Variants in ACTN4 observed in about 807,000 individuals in gnomAD.
The protein encoded by ACTN4 is alpha-actinin-4.
ACTN4 carries 18 observed loss-of-function variants against 114.2 expected under a neutral mutation model. That is an observed-to-expected ratio of 0.16 (90% CI 0.11 to 0.23). The LOEUF is 0.23. Among genes scored for constraint, ACTN4 ranks in the 10% least tolerant of loss-of-function variants. ACTN4 has a pLI of 1.00. For missense variants in ACTN4, 722 were observed against 1,262.9 expected, an observed-to-expected ratio of 0.57 and a Z score of 6.49; for synonymous variants, 515 against 506.3, an observed-to-expected ratio of 1.02 and a Z score of -0.23.
intron 1 of ACTN4, among the ~76,000 whole-genome samples, chr19:38,665,534 A>T (rs539931167): frequency 6.6e-6 from 1 of 152,222 alleles, no homozygotes; most frequent in African/African-American, 2.4e-5. Context: ...TCAGTGGGAA[A>T]CCAAAACATA....
At chr19:38,683,115 T>C (rs1967629122) in intron 1 of ACTN4, among the ~76,000 whole-genome samples, 1 of 152,182 alleles carries the variant, frequency 6.6e-6, no homozygotes, top group African/African-American at 2.4e-5. Flanking sequence ...TGGGAGAGGC[T>C]CAGAGCAGTG....
chr19:38,712,828 C>T (rs1299343572), intron 8 of ACTN4, among the ~76,000 whole-genome samples: 1 of 152,182 alleles, frequency 6.6e-6, no homozygotes, highest in Admixed American at 6.5e-5. Flanking sequence ...ACACTGCTCC[C>T]CTGTGCTTAG....
intron 1 of ACTN4, among the ~76,000 whole-genome samples, chr19:38,653,211 G>A (rs753093291): frequency 1.3e-5 from 2 of 152,134 alleles, no homozygotes; most frequent in South Asian, 2.1e-4. Flanking sequence ...GCCAGACAGC[G>A]CCCTTTTTCA....
intron 8 of ACTN4, chr19:38,710,819 A>G: frequency 3.6e-6 from 1 of 278,524 alleles, no homozygotes; most frequent in Non-Finnish European, 7.1e-6. Context: ...AGGCCCTGAG[A>G]CAGGAAGAAG....
Position 38,654,261 on chromosome 19 carries a change from C to T in ACTN4, c.162+6354C>T, listed in dbSNP as rs148371975. Among the ~76,000 whole-genome samples, 853 of 152,248 alleles carry T rather than the reference C, an allele frequency of 5.6e-3. 5 individuals are homozygous for T. Among genetic ancestry groups the T allele is most frequent in the African/African-American group, 0.02 (820 of 41,544 alleles). On this transcript the variant is annotated intron_variant, in intron 1 of 20. Coordinates refer to ENST00000252699, the MANE Select transcript of ACTN4 (RefSeq NM_004924.6). ...CACCTGACCCAGGGAAGGATCCCGC[C>T]TCCTCCAGAAAGTGAAATCGCCGGG...
chr19:38,688,406 A>AAAC (rs1967814925), intron 1 of ACTN4, among the ~76,000 whole-genome samples: 2 of 150,940 alleles, frequency 1.3e-5, no homozygotes, highest in Non-Finnish European at 3.0e-5. Flanking sequence ...AAAAAAAAAA[A>AAAC]AAAAACCCAC....
At chr19:38,705,105 G>A in intron 4 of ACTN4, 85 bp downstream of exon 4, 1 of 1,280,528 alleles carries the variant, frequency 7.8e-7, no homozygotes, top group Non-Finnish European at 1.1e-6. Context: ...CATGCTTCAA[G>A]CCTCTTCCTG....
chr19:38,660,459 G>A (rs1017770230), intron 1 of ACTN4, among the ~76,000 whole-genome samples: 2 of 151,456 alleles, frequency 1.3e-5, no homozygotes, highest in Non-Finnish European at 2.9e-5. Context: ...GCAATGGCGT[G>A]TTCTTGGCTC....
chr19:38,723,482 G>C (rs1969115634), intron 12 of ACTN4, 132 bp from the exon 13 acceptor site: 1 of 734,888 alleles, frequency 1.4e-6, no homozygotes. Flanking sequence ...TGACCAATTA[G>C]TGATTGGTTG....
chr19:38,667,724 A>G (rs1967007351), intron 1 of ACTN4, among the ~76,000 whole-genome samples: 1 of 145,784 alleles, frequency 6.9e-6, no homozygotes, highest in Non-Finnish European at 1.5e-5. Context: ...AAAAAAAACC[A>G]TTTTGGAGAA....
chr19:38,697,509 A>G (rs4802744), intron 1 of ACTN4, among the ~76,000 whole-genome samples: 32,340 of 152,310 alleles, frequency 0.21, 3,636 homozygotes, highest in Middle Eastern at 0.4. Context: ...ACAGGGAAGG[A>G]AACAGACTTA....
chr19:38,705,264 C>T (rs1968419154), intron 4 of ACTN4, among the ~76,000 whole-genome samples: 1 of 152,210 alleles, frequency 6.6e-6, no homozygotes, highest in Non-Finnish European at 1.5e-5. Flanking sequence ...TGGACCCTCA[C>T]GCCACCCTCA....
At position 38,684,161 on chromosome 19, in the gene ACTN4, G is replaced by A. The variant is rs75483338; in HGVS notation, c.163-16439G>A. ...AGCCTTATCTGTAAAATTAGAGCAC[G>A]CAGAACAAACCCTGGTACACACTAA... On this transcript the variant is annotated intron_variant, in intron 1 of 20. Coordinates refer to ENST00000252699, the MANE Select transcript of ACTN4 (RefSeq NM_004924.6). Among the ~76,000 whole-genome samples, 183 of 152,292 alleles carry A rather than the reference G, an allele frequency of 1.2e-3. 2 individuals carry two copies. In the East Asian group the frequency reaches 0.021, roughly 18 times the overall value.
At chr19:38,719,369 G>A (rs978385567) in intron 11 of ACTN4, among the ~76,000 whole-genome samples, 1 of 152,188 alleles carries the variant, frequency 6.6e-6, no homozygotes, top group African/African-American at 2.4e-5. Flanking sequence ...GCCCGCATGC[G>A]AGTGTGCAGC....
intron 1 of ACTN4, among the ~76,000 whole-genome samples, chr19:38,685,716 C>T (rs2144938215): frequency 6.6e-6 from 1 of 152,230 alleles, no homozygotes; most frequent in East Asian, 1.9e-4. Context: ...CACAGATTTC[C>T]AGACCAAGCC....
Position 38,724,128 on chromosome 19 carries a change from C to T in ACTN4, c.1693-29C>T. 1.2e-6 allele frequency: 2 copies of T among 1,613,600 alleles called. No individual in the cohort carries two copies. Among genetic ancestry groups the T allele is most frequent in the Non-Finnish European group, 1.7e-6 (2 of 1,179,962 alleles). ...TCCCAAGAGCCTCTGTGGGGCTGGG[C>T]CGCCCCCTCACTCCAGCTCCTCCCC... is the stretch of plus-strand genomic sequence containing the variant. On this transcript the variant is annotated intron_variant, in intron 14 of 20. Coordinates refer to ENST00000252699, the MANE Select transcript of ACTN4 (RefSeq NM_004924.6). This position sits in a 1 kb window ranked among gnomAD's most constrained non-coding sequence, Gnocchi z 7.0.
At chr19:38,650,271 T>A (rs1333861147) in intron 1 of ACTN4, among the ~76,000 whole-genome samples, 1 of 152,076 alleles carries the variant, frequency 6.6e-6, no homozygotes, top group Non-Finnish European at 1.5e-5. Context: ...GCGAGCCGGG[T>A]TTCACTCCCT....
chr19:38,673,636 T>TTTATATATATTTATATATTTATATATA lies in ACTN4; in HGVS notation c.162+25783_162+25809dup, dbSNP rs1568690265. On this transcript the variant is annotated intron_variant, in intron 1 of 20. Coordinates refer to ENST00000252699, the MANE Select transcript of ACTN4 (RefSeq NM_004924.6). ...TTATATTTATATATATTCATATATA[T>TTTATATATATTTATATATTTATATATA]TTATATATATTTATATATTTATATA... Among the ~76,000 whole-genome samples, 157 of 52,200 alleles carry TTTATATATATTTATATATTTATATATA rather than the reference T, an allele frequency of 3.0e-3. 5 individuals carry two copies. The highest frequency in any genetic ancestry group is 0.023 in the East Asian group (60 of 2,646). 34.2% of individuals were successfully genotyped at this position (52,200 alleles called of 152,430 possible). A position where few individuals can be genotyped will look rare whatever the true frequency, so the allele number is the denominator to read the frequency against.
At chr19:38,694,193 G>A (rs1051442574) in intron 1 of ACTN4, among the ~76,000 whole-genome samples, 9 of 152,024 alleles carry the variant, frequency 5.9e-5, no homozygotes, top group African/African-American at 1.4e-4. Flanking sequence ...CTGCTGGGGC[G>A]TTGCTCTGCC....
Sources: allele counts gnomAD v4.1 joint callset (sites outside exome capture counted in the v4.1 genomes callset), GRCh38; gene constraint gnomAD v4.1.1; non-coding constraint Gnocchi (gnomAD v3.1); transcripts MANE v1.5; gene names NCBI Gene and HGNC (gene_info 2026-07-23, HGNC 2026-07-21).